SOBP: variants seen among roughly 807,000 people sequenced by gnomAD.
The protein encoded by SOBP is sine oculis binding protein homolog.
In SOBP, 4 loss-of-function variants were observed where a neutral mutation model predicts 53.6. The observed-to-expected ratio is 0.07, with a 90% CI of 0.04 to 0.17. The LOEUF is 0.17. Among genes scored for constraint, SOBP ranks in the 10% least tolerant of loss-of-function variants. SOBP has a pLI of 1.00. For missense variants in SOBP, 1,088 were observed against 1,204.7 expected (o/e 0.90, Z 1.43); for synonymous variants, 584 against 522.6 (o/e 1.12, Z -1.60).
intron 3 of SOBP, among the ~76,000 whole-genome samples, chr6:107,528,056 A>G (rs796619904): frequency 3.9e-5 from 6 of 152,262 alleles, no homozygotes; most frequent in African/African-American, 1.4e-4. Flanking sequence ...TTGCCTCTCT[A>G]CCTTTCTCAT....
intron 1 of SOBP, among the ~76,000 whole-genome samples, chr6:107,502,975 G>C (rs1219466749): frequency 6.6e-6 from 1 of 152,104 alleles, no homozygotes; most frequent in Non-Finnish European, 1.5e-5. Context: ...TGCCCAGGCT[G>C]GTCTTGAACT....
intron 4 of SOBP, among the ~76,000 whole-genome samples, chr6:107,581,011 T>G (rs1785385237): frequency 9.2e-5 from 14 of 152,172 alleles, no homozygotes; most frequent in Admixed American, 8.5e-4. Flanking sequence ...ACCCATTCAT[T>G]TATTCATTCG....
intron 5 of SOBP, among the ~76,000 whole-genome samples, chr6:107,632,323 C>T: frequency 6.8e-6 from 1 of 147,260 alleles, no homozygotes; most frequent in East Asian, 2.0e-4. Flanking sequence ...GAGAAAATGG[C>T]CCCCCCCCAA....
intron 6 of SOBP, among the ~76,000 whole-genome samples, chr6:107,637,226 A>G (rs1771085965): frequency 6.6e-6 from 1 of 152,204 alleles, no homozygotes; most frequent in South Asian, 2.1e-4. Context: ...TGGGAAATAC[A>G]AACGTGGAGC....
At chr6:107,630,346 A>G (rs1352146423) in intron 5 of SOBP, among the ~76,000 whole-genome samples, 1 of 152,246 alleles carries the variant, frequency 6.6e-6, no homozygotes, top group South Asian at 2.1e-4. Flanking sequence ...ACCAGAGTTT[A>G]TGAGACACAC....
chr6:107,530,826 G>A (rs927697368), intron 3 of SOBP, among the ~76,000 whole-genome samples: 4 of 152,096 alleles, frequency 2.6e-5, no homozygotes, highest in African/African-American at 9.7e-5. Flanking sequence ...CAATGTATTT[G>A]GTCTCATGTC....
At chr6:107,619,369 A>G (rs1239515592) in intron 5 of SOBP, among the ~76,000 whole-genome samples, 2 of 152,332 alleles carry the variant, frequency 1.3e-5, no homozygotes, top group East Asian at 1.9e-4. Flanking sequence ...GAAACTCTGG[A>G]TGAATGAAGT....
chr6:107,591,152 T>C (rs1400466932), intron 5 of SOBP, among the ~76,000 whole-genome samples: 1 of 152,176 alleles, frequency 6.6e-6, no homozygotes, highest in Non-Finnish European at 1.5e-5. Flanking sequence ...GTATCTGATA[T>C]CACATCACAC....
At chr6:107,563,243 T>G (rs1436985848) in intron 4 of SOBP, among the ~76,000 whole-genome samples, 2 of 152,084 alleles carry the variant, frequency 1.3e-5, no homozygotes, top group Non-Finnish European at 2.9e-5. Flanking sequence ...GGCAACAGAG[T>G]GAGACCCCAT....
intron 4 of SOBP, among the ~76,000 whole-genome samples, chr6:107,559,479 A>G (rs923956890): frequency 2.6e-5 from 4 of 152,244 alleles, no homozygotes; most frequent in African/African-American, 9.6e-5. Flanking sequence ...AACTAAGAAA[A>G]CAATAGAAAC....
chr6:107,520,791 T>C (rs1270730217), intron 3 of SOBP, among the ~76,000 whole-genome samples: 1 of 152,164 alleles, frequency 6.6e-6, no homozygotes. Flanking sequence ...AGGAGAGTGG[T>C]CATAATGATC....
At chr6:107,647,788 C>T (rs1042282054) in intron 6 of SOBP, among the ~76,000 whole-genome samples, 26 of 152,016 alleles carry the variant, frequency 1.7e-4, no homozygotes, top group African/African-American at 6.0e-4. Context: ...ATGCCCTGTG[C>T]CAAGCACCAG....
chr6:107,616,086 G>GGGA lies in SOBP; in HGVS notation c.670-17426_670-17425insAGG, dbSNP rs1554187909. On this transcript the variant is annotated intron_variant, in intron 5 of 6. Transcript: ENST00000317357. ...GCCTACTCATTGAGGAAGGGGGGTG[G>GGGA]GGGGGGGGCGGGGGGGCGGCTTCAG... Among the ~76,000 whole-genome samples, 519 of 93,162 alleles carry GGGA rather than the reference G, an allele frequency of 5.6e-3. 12 individuals are homozygous for GGGA. The highest frequency in any genetic ancestry group is 0.019 in the African/African-American group (501 of 25,726). The allele number at this position is 93,162 out of a possible 152,430, so 61.1% of individuals were successfully genotyped here. A position where few individuals can be genotyped will look rare whatever the true frequency, so the allele number is the denominator to read the frequency against.
At chr6:107,573,389 G>T (rs932966177) in intron 4 of SOBP, among the ~76,000 whole-genome samples, 11 of 151,680 alleles carry the variant, frequency 7.3e-5, no homozygotes, top group Non-Finnish European at 1.3e-4. Context: ...AAGCAGATTT[G>T]TGAAATTTAA....
In SOBP at chr6:107,504,250, G is replaced by A. The variant is rs530908126; in HGVS notation, c.235+455G>A. ...CTTTTTTTCAGTGGGAAATCTAAAC[G>A]GAATTACTATTTTTGTTTTGCTTGA... On this transcript the variant is annotated intron_variant, in intron 2 of 6. Coordinates refer to ENST00000317357, the MANE Select transcript of SOBP (RefSeq NM_018013.4). Among the ~76,000 whole-genome samples the A allele has an allele frequency of 8.5e-5, 13 of 152,230 alleles. No homozygotes were observed. In the East Asian group the frequency reaches 2.1e-3, roughly 25 times the overall value.
rs546235902 is a variant in SOBP, at chr6:107,659,612, G to C, written c.*1409G>C. ...AAATAAAGCAATTGTTCCCTCTGGAGGGGTCCAGGTGCCCCCGCCCCACAA... is the reference window on the plus strand; with the variant it reads ...AAATAAAGCAATTGTTCCCTCTGGACGGGTCCAGGTGCCCCCGCCCCACAA... On this transcript the variant is annotated 3_prime_UTR_variant, in exon 7 of 7. Coordinates refer to ENST00000317357, the MANE Select transcript of SOBP (RefSeq NM_018013.4). The C allele has an allele frequency of 3.9e-5, 6 of 152,802 alleles. No homozygotes were observed. The highest frequency in any genetic ancestry group is 1.4e-4 in the African/African-American group (6 of 41,578). 9.5% of individuals were successfully genotyped at this position (152,802 alleles called of 1,614,324 possible). A position where few individuals can be genotyped will look rare whatever the true frequency, so the allele number is the denominator to read the frequency against.
chr6:107,657,104 C>G (rs534686377), intron 6 of SOBP, among the ~76,000 whole-genome samples: 2 of 152,216 alleles, frequency 1.3e-5, no homozygotes, highest in African/African-American at 4.8e-5. Context: ...TGTAGAGACA[C>G]GAGCAAAACA....
intron 5 of SOBP, among the ~76,000 whole-genome samples, chr6:107,602,676 C>T (rs911777168): frequency 6.6e-6 from 1 of 151,744 alleles, no homozygotes; most frequent in African/African-American, 2.4e-5. Flanking sequence ...CCTAAAGGCT[C>T]AGGTTATGTG....
intron 5 of SOBP, among the ~76,000 whole-genome samples, chr6:107,587,965 T>A (rs2115061091): frequency 6.6e-6 from 1 of 152,322 alleles, no homozygotes; most frequent in South Asian, 2.1e-4. Flanking sequence ...ATTCAAACAC[T>A]CCTTTTGAAA....
Sources: allele counts gnomAD v4.1 joint callset (sites outside exome capture counted in the v4.1 genomes callset), GRCh38; gene constraint gnomAD v4.1.1; transcripts MANE v1.5; gene names NCBI Gene and HGNC (gene_info 2026-07-23, HGNC 2026-07-21).